Variants in AKAP19 observed in about 807,000 individuals in gnomAD.
AKAP19 encodes A-kinase anchoring protein 19, also known as small A-kinase anchoring protein.
At chr2:190,189,498 T>A in the AKAP19 span, among the ~76,000 whole-genome samples, 1 of 152,080 alleles carries the variant, frequency 6.6e-6, no homozygotes, top group African/African-American at 2.4e-5. Context: ...TGAAGAACAG[T>A]TGTTTTCTAT....
chr2:189,924,664 C>T, the AKAP19 span, among the ~76,000 whole-genome samples: 1 of 151,984 alleles, frequency 6.6e-6, no homozygotes, highest in Non-Finnish European at 1.5e-5. Flanking sequence ...TGTTACACCC[C>T]CACATTAGTG....
chr2:189,991,354 A>G, the AKAP19 span, among the ~76,000 whole-genome samples: 1 of 152,158 alleles, frequency 6.6e-6, no homozygotes, highest in Non-Finnish European at 1.5e-5. Context: ...CCACTGCAAC[A>G]TCTATTATTT....
the AKAP19 span, chr2:189,930,887 G>T: frequency 1.4e-6 from 1 of 720,438 alleles, no homozygotes; most frequent in African/African-American, 1.8e-5. Flanking sequence ...GCTGGAACCT[G>T]TTCCTGATAT....
At chr2:190,077,444 A>C in the AKAP19 span, among the ~76,000 whole-genome samples, 4 of 151,810 alleles carry the variant, frequency 2.6e-5, no homozygotes, top group Non-Finnish European at 4.4e-5. Context: ...AAACATTTAA[A>C]ATGTTAACAT....
the AKAP19 span, chr2:190,062,116 A>G: frequency 8.4e-7 from 1 of 1,192,910 alleles, no homozygotes; most frequent in African/African-American, 1.8e-5. Flanking sequence ...TTCTACTTAC[A>G]TACAGGCCAA....
chr2:190,121,612 A>G, the AKAP19 span, among the ~76,000 whole-genome samples: 1 of 152,310 alleles, frequency 6.6e-6, no homozygotes, highest in African/African-American at 2.4e-5. Flanking sequence ...CTTTAAAAAT[A>G]AAAAGTGCCA....
the AKAP19 span, among the ~76,000 whole-genome samples, chr2:190,122,811 T>TC: frequency 0.018 from 2,409 of 133,604 alleles, 44 homozygotes; most frequent in African/African-American, 0.056. Flanking sequence ...TCTCTCTCTC[T>TC]TTTTTTTTTT....
the AKAP19 span, among the ~76,000 whole-genome samples, chr2:189,932,237 G>A: frequency 3.9e-5 from 6 of 151,946 alleles, no homozygotes; most frequent in South Asian, 8.3e-4. Context: ...GTGAAATCCC[G>A]TCTCCACTAA....
chr2:190,037,308 C>G, the AKAP19 span, among the ~76,000 whole-genome samples: 28 of 152,044 alleles, frequency 1.8e-4, no homozygotes, highest in Admixed American at 8.5e-4. Flanking sequence ...TTAGGATGTC[C>G]AAGAATTTAG....
At chr2:190,010,721 A>G in the AKAP19 span, among the ~76,000 whole-genome samples, 1 of 152,228 alleles carries the variant, frequency 6.6e-6, no homozygotes, top group East Asian at 1.9e-4. Flanking sequence ...TGCATAAAAC[A>G]ATACATATTT....
At chr2:190,163,658 G>A in the AKAP19 span, among the ~76,000 whole-genome samples, 1 of 152,086 alleles carries the variant, frequency 6.6e-6, no homozygotes, top group South Asian at 2.1e-4. Flanking sequence ...TTTGAGTGAG[G>A]ATACTAAATG....
the AKAP19 span, among the ~76,000 whole-genome samples, chr2:189,892,900 G>T: frequency 6.6e-6 from 1 of 152,192 alleles, no homozygotes; most frequent in Admixed American, 6.5e-5. Context: ...CCCTGACAGA[G>T]GCTGCTGCCT....
At chr2:189,885,966 G>C in the AKAP19 span, among the ~76,000 whole-genome samples, 1 of 151,942 alleles carries the variant, frequency 6.6e-6, no homozygotes, top group Non-Finnish European at 1.5e-5. Flanking sequence ...CCACCACCAA[G>C]CCCAGCTAAT....
At chr2:190,053,673 C>T in the AKAP19 span, among the ~76,000 whole-genome samples, 1 of 151,952 alleles carries the variant, frequency 6.6e-6, no homozygotes, top group Non-Finnish European at 1.5e-5. Context: ...CCTATAGTTT[C>T]ATTTCTTAGT....
the AKAP19 span, among the ~76,000 whole-genome samples, chr2:190,048,010 G>A: frequency 2.0e-5 from 3 of 152,142 alleles, no homozygotes; most frequent in Non-Finnish European, 4.4e-5. Flanking sequence ...TCAAAACTTT[G>A]ATGAAATAAA....
chr2:190,140,217 C>T, the AKAP19 span, among the ~76,000 whole-genome samples: 1 of 152,200 alleles, frequency 6.6e-6, no homozygotes, highest in Non-Finnish European at 1.5e-5. Flanking sequence ...ATACTCCCCT[C>T]CTGGCTGCTT....
the AKAP19 span, among the ~76,000 whole-genome samples, chr2:189,990,185 G>A: frequency 6.6e-6 from 1 of 152,124 alleles, no homozygotes; most frequent in African/African-American, 2.4e-5. Context: ...AATACTAAAA[G>A]CAGACATTTT....
the AKAP19 span, among the ~76,000 whole-genome samples, chr2:190,043,322 G>A: frequency 6.6e-6 from 1 of 152,098 alleles, no homozygotes; most frequent in South Asian, 2.1e-4. Flanking sequence ...CTCCCTTTCT[G>A]GGATACCAGT....
At chr2:189,974,669 T>C in the AKAP19 span, among the ~76,000 whole-genome samples, 1 of 152,252 alleles carries the variant, frequency 6.6e-6, no homozygotes, top group Non-Finnish European at 1.5e-5. Flanking sequence ...TGGGTGCTCC[T>C]GTATTGGGTG....
Sources: allele counts gnomAD v4.1 joint callset (sites outside exome capture counted in the v4.1 genomes callset), GRCh38; gene constraint gnomAD v4.1.1; transcripts MANE v1.5; gene names NCBI Gene and HGNC (gene_info 2026-07-23, HGNC 2026-07-21).